NUBPL: variants seen among roughly 807,000 people sequenced by gnomAD.
NUBPL encodes iron-sulfur cluster transfer protein NUBPL.
In NUBPL, 31 loss-of-function variants were observed where a neutral mutation model predicts 45.7. The observed-to-expected ratio is 0.68, with a 90% confidence interval of 0.51 to 0.92. NUBPL has a LOEUF of 0.92. Ranked by LOEUF, NUBPL falls within the 40% of genes least tolerant of loss-of-function variation. The pLI, the probability that NUBPL is intolerant of heterozygous loss-of-function variation, is 0.00. For synonymous variants in NUBPL, 144 were observed against 140.9 expected (o/e 1.02, Z -0.15); for missense variants, 401 against 398.7 (o/e 1.01, Z -0.05).
chr14:31,713,946 T>G (rs1456115980), intron 6 of NUBPL, among the ~76,000 whole-genome samples: 1 of 152,244 alleles, frequency 6.6e-6, no homozygotes, highest in Non-Finnish European at 1.5e-5. Flanking sequence ...TTCTTAGTCT[T>G]TACTAACTCT....
intron 4 of NUBPL, among the ~76,000 whole-genome samples, chr14:31,649,798 T>C (rs1398393845): frequency 6.6e-6 from 1 of 152,254 alleles, no homozygotes; most frequent in African/African-American, 2.4e-5. Flanking sequence ...ATTTGCATAG[T>C]ATCTTCCATT....
chr14:31,761,333 C>T (rs922366807), intron 6 of NUBPL, among the ~76,000 whole-genome samples: 3 of 152,118 alleles, frequency 2.0e-5, no homozygotes, highest in African/African-American at 4.8e-5. Context: ...TGCCACCATG[C>T]GCGGCTAATT....
At chr14:31,608,614 C>T (rs1335176351) in intron 4 of NUBPL, among the ~76,000 whole-genome samples, 1 of 151,896 alleles carries the variant, frequency 6.6e-6, no homozygotes, top group African/African-American at 2.4e-5. Context: ...TAGGTAATCA[C>T]CTGAAGGTAC....
In NUBPL at chr14:31,860,833, G is replaced by A. The variant is rs2040701974; in HGVS notation, c.*1653G>A. On this transcript the variant is annotated 3_prime_UTR_variant, in exon 11 of 11. Transcript: ENST00000281081. ...AAAAAAGAACAAACTATGGGTACAG[G>A]CAGCAACTTATAATTCCAGAGAATT... is the stretch of plus-strand genomic sequence containing the variant. 1 of 152,186 alleles carries A rather than the reference G, an allele frequency of 6.6e-6. No individual in the cohort carries two copies. The allele number at this position is 152,186 out of a possible 1,614,324, so 9.4% of individuals were successfully genotyped here. A position where few individuals can be genotyped will look rare whatever the true frequency, so the allele number is the denominator to read the frequency against.
intron 6 of NUBPL, among the ~76,000 whole-genome samples, chr14:31,777,187 C>G (rs967612100): frequency 6.6e-6 from 1 of 152,144 alleles, no homozygotes; most frequent in African/African-American, 2.4e-5. Flanking sequence ...CTACATGGCT[C>G]TATTTAAAAT....
At chr14:31,769,968 G>C (rs1439029809) in intron 6 of NUBPL, among the ~76,000 whole-genome samples, 1 of 151,978 alleles carries the variant, frequency 6.6e-6, no homozygotes, top group African/African-American at 2.4e-5. Context: ...TCCTTTATTT[G>C]ATGAATAGAT....
intron 3 of NUBPL, among the ~76,000 whole-genome samples, chr14:31,588,448 G>A (rs1338038632): frequency 6.6e-6 from 1 of 151,306 alleles, no homozygotes; most frequent in African/African-American, 2.4e-5. Flanking sequence ...TGTCTTTATT[G>A]TATTTTAAAA....
At chr14:31,713,067 C>A (rs1258478156) in intron 6 of NUBPL, among the ~76,000 whole-genome samples, 1 of 152,084 alleles carries the variant, frequency 6.6e-6, no homozygotes, top group African/African-American at 2.4e-5. Flanking sequence ...TTCTTTGATA[C>A]TTTTTGAGAA....
intron 4 of NUBPL, among the ~76,000 whole-genome samples, chr14:31,647,954 G>C (rs2035901012): frequency 6.6e-6 from 1 of 152,162 alleles, no homozygotes; most frequent in African/African-American, 2.4e-5. Flanking sequence ...TGTACATGTA[G>C]CCATCCATTA....
At chr14:31,687,612 C>G (rs183720538) in intron 6 of NUBPL, among the ~76,000 whole-genome samples, 2 of 152,318 alleles carry the variant, frequency 1.3e-5, no homozygotes, top group East Asian at 3.9e-4. Context: ...TGTGAGTATC[C>G]ACTTAAAATG....
chr14:31,647,021 A>G (rs1300357694), intron 4 of NUBPL, among the ~76,000 whole-genome samples: 4 of 152,084 alleles, frequency 2.6e-5, no homozygotes, highest in Non-Finnish European at 4.4e-5. Flanking sequence ...TTCAGCAAAC[A>G]TATTTCTCAG....
At chr14:31,851,645 A>T (rs1259806927) in intron 10 of NUBPL, among the ~76,000 whole-genome samples, 1 of 152,178 alleles carries the variant, frequency 6.6e-6, no homozygotes, top group East Asian at 1.9e-4. Context: ...CTAAGCAAAA[A>T]ACCATAATCC....
Position 31,859,315 on chromosome 14 carries a change from T to G in NUBPL, c.*135T>G, listed in dbSNP as rs377738028. 1,015 of 787,954 alleles carry G rather than the reference T, an allele frequency of 1.3e-3. 19 individuals are homozygous for G. In the South Asian group the frequency reaches 0.015, roughly 11 times the overall value. The allele number at this position is 787,954 out of a possible 1,614,324, so 48.8% of individuals were successfully genotyped here. ...TTTCTAAGGAAAGAATGTCTTCATA[T>G]TTGACTTGCTAAGCTAAGGTTCACA... On this transcript the variant is annotated 3_prime_UTR_variant, in exon 11 of 11. Transcript: ENST00000281081.
At chr14:31,602,344 C>T (rs555605218) in intron 4 of NUBPL, among the ~76,000 whole-genome samples, 1 of 147,968 alleles carries the variant, frequency 6.8e-6, no homozygotes, top group Non-Finnish European at 1.5e-5. Context: ...ACATATGTAA[C>T]TAACCTGCAC....
intron 3 of NUBPL, among the ~76,000 whole-genome samples, chr14:31,596,041 G>T (rs933734512): frequency 3.0e-4 from 46 of 151,902 alleles, no homozygotes; most frequent in African/African-American, 1.1e-3. Context: ...CGAGTAGCTG[G>T]GACCACAGGT....
intron 8 of NUBPL, among the ~76,000 whole-genome samples, chr14:31,839,089 A>T (rs1244545675): frequency 6.6e-6 from 1 of 152,202 alleles, no homozygotes; most frequent in East Asian, 1.9e-4. Context: ...GTTTTTATAT[A>T]CAAGTTCACA....
chr14:31,599,102 A>G (rs2139555953), intron 3 of NUBPL, 187 bp from the exon 4 acceptor site: 2 of 627,202 alleles, frequency 3.2e-6, no homozygotes, highest in Admixed American at 5.3e-5. Flanking sequence ...TATTGACCCT[A>G]AGCAATTTAT....
At chr14:31,671,682 A>G (rs2036573604) in intron 4 of NUBPL, among the ~76,000 whole-genome samples, 1 of 152,216 alleles carries the variant, frequency 6.6e-6, no homozygotes, top group African/African-American at 2.4e-5. Flanking sequence ...CAAATTAGGT[A>G]TGGGGAGATT....
At chr14:31,702,082 A>G (rs573230954) in intron 6 of NUBPL, among the ~76,000 whole-genome samples, 1 of 152,268 alleles carries the variant, frequency 6.6e-6, no homozygotes, top group East Asian at 1.9e-4. Context: ...TCACTGAAAG[A>G]TGTTATACTC....
Sources: allele counts gnomAD v4.1 joint callset (sites outside exome capture counted in the v4.1 genomes callset), GRCh38; gene constraint gnomAD v4.1.1; transcripts MANE v1.5; gene names NCBI Gene and HGNC (gene_info 2026-07-23, HGNC 2026-07-21).